The following TEX11 variants were observed in gnomAD, a reference collection of about 807,000 sequenced individuals.
TEX11 encodes testis-expressed protein 11.
TEX11 carries 7 observed loss-of-function variants against 84.4 expected under a neutral mutation model. That is an observed-to-expected ratio of 0.08 (90% CI 0.05 to 0.16). The LOEUF (loss-of-function observed/expected upper bound fraction) is 0.16, where lower values mean the gene tolerates loss of function less well. Among genes scored for constraint, TEX11 ranks in the 10% least tolerant of loss-of-function variants. TEX11 has a pLI of 1.00. For synonymous variants in TEX11, 264 were observed against 222.8 expected (o/e 1.18, Z -1.64); for missense variants, 551 against 660.5 (o/e 0.83, Z 1.82).
chrX:70,679,764 C>T (rs1409685438), intron 14 of TEX11, among the ~76,000 whole-genome samples: 2 of 106,235 alleles, frequency 1.9e-5, no homozygotes, highest in Non-Finnish European at 4.0e-5. Context: ...GCCAGCCGCC[C>T]GTCCGGGAGG....
At chrX:70,771,869 T>C (rs2090973834) in intron 9 of TEX11, among the ~76,000 whole-genome samples, 2 of 111,772 alleles carry the variant, frequency 1.8e-5, no homozygotes, top group Non-Finnish European at 3.8e-5. Flanking sequence ...GCTCCAGGCT[T>C]GCCTCATGAA....
In TEX11 at chrX:70,552,203, C is replaced by A. The variant is rs1253261339; in HGVS notation, c.2443G>T (p.Ala815Ser). Residue 815 changes from alanine to serine, a missense_variant, in exon 28 of 30, where the codon GCG becomes TCG. Coordinates refer to ENST00000374333, the MANE Select transcript of TEX11 (RefSeq NM_031276.3). ...NLVNLSVPDG[A>S]SNVELCPLEE... is the part of the protein sequence containing the mutation. The stretch of plus-strand genomic sequence containing the variant: ...AGGGGACAGAGCTCTACATTCGACG[C>A]CCCATCTGGCACTGAGAGGTTAACC... 5 of 1,209,149 alleles carry A rather than the reference C, an allele frequency of 4.1e-6. No homozygotes were observed. The highest frequency in any genetic ancestry group is 5.6e-6 in the Non-Finnish European group (5 of 894,889).
At chrX:70,544,382 C>CT (rs1776463590) in intron 28 of TEX11, among the ~76,000 whole-genome samples, 2 of 107,733 alleles carry the variant, frequency 1.9e-5, no homozygotes, top group South Asian at 8.3e-4. Context: ...AACAAATTAG[C>CT]TGGGTGTGGT....
chrX:70,598,712 C>T (rs1298023939), intron 24 of TEX11, among the ~76,000 whole-genome samples: 6 of 112,020 alleles, frequency 5.4e-5, no homozygotes, highest in East Asian at 2.8e-4. Flanking sequence ...CTGATACATG[C>T]TACAACACAA....
At position 70,546,026 on chromosome X, in the gene TEX11, T is replaced by C. The variant is rs1010613360; in HGVS notation, c.2520+6100A>G. ...TTCTTAATGTTTTATAGCTCTCTTA[T>C]AATAACAATACTGCCTTACATGTGT... On this transcript the variant is annotated intron_variant, in intron 28 of 29. Coordinates refer to ENST00000374333, the MANE Select transcript of TEX11 (RefSeq NM_031276.3). 2.7e-5 allele frequency among the ~76,000 whole-genome samples: 3 copies of C among 112,205 alleles called. No homozygotes were observed. In the Admixed American group the frequency reaches 2.8e-4, roughly 11 times the overall value.
intron 25 of TEX11, among the ~76,000 whole-genome samples, chrX:70,568,215 A>C (rs1603079033): frequency 9.0e-6 from 1 of 111,309 alleles, no homozygotes; most frequent in Non-Finnish European, 1.9e-5. Flanking sequence ...TGATCAGAGA[A>C]TAGGATCGCA....
At chrX:70,512,634 A>G in the TEX11 span, among the ~76,000 whole-genome samples, 1 of 108,598 alleles carries the variant, frequency 9.2e-6, no homozygotes, top group African/African-American at 3.4e-5. Context: ...AATAAATGGA[A>G]GCCTAACCCC....
intron 2 of TEX11, among the ~76,000 whole-genome samples, chrX:70,895,079 G>C (rs2091759798): frequency 9.0e-6 from 1 of 111,586 alleles, no homozygotes; most frequent in Non-Finnish European, 1.9e-5. Context: ...AATAGGAAGA[G>C]AGGAAGCCAA....
chrX:70,546,904 G>A (rs2088133751), intron 28 of TEX11, among the ~76,000 whole-genome samples: 1 of 108,641 alleles, frequency 9.2e-6, no homozygotes, highest in Non-Finnish European at 1.9e-5. Flanking sequence ...AAAAACACTT[G>A]CACATGAATA....
chrX:70,525,773 A>C (rs1443841609), downstream of TEX11, among the ~76,000 whole-genome samples: 1 of 112,243 alleles, frequency 8.9e-6, no homozygotes, highest in Non-Finnish European at 1.9e-5. Flanking sequence ...AGAGCATAGA[A>C]TAAGAGAACC....
At chrX:70,730,698 A>C (rs1045189594) in intron 11 of TEX11, among the ~76,000 whole-genome samples, 11 of 111,661 alleles carry the variant, frequency 9.9e-5, no homozygotes, top group Non-Finnish European at 1.9e-4. Flanking sequence ...CCACACAATA[A>C]TAATGGGAGA....
chrX:70,827,581 C>T (rs1228706991), intron 8 of TEX11, among the ~76,000 whole-genome samples: 1 of 111,240 alleles, frequency 9.0e-6, no homozygotes, highest in Non-Finnish European at 1.9e-5. Context: ...TTTATGTGAA[C>T]ATCAGTGGTG....
At chrX:70,517,416 G>T in the TEX11 span, among the ~76,000 whole-genome samples, 1 of 111,196 alleles carries the variant, frequency 9.0e-6, no homozygotes, top group African/African-American at 3.3e-5. Context: ...TTGTGTGATG[G>T]ATTACATTTA....
chrX:70,532,116 C>T (rs1440829451), intron 28 of TEX11, among the ~76,000 whole-genome samples: 3 of 111,507 alleles, frequency 2.7e-5, no homozygotes, highest in Non-Finnish European at 5.6e-5. Flanking sequence ...TTGGAAATGC[C>T]GCATTCTATA....
intron 11 of TEX11, among the ~76,000 whole-genome samples, chrX:70,727,093 G>T (rs1467340899): frequency 4.5e-5 from 5 of 111,308 alleles, no homozygotes; most frequent in Non-Finnish European, 9.4e-5. Context: ...TAAGTATTGT[G>T]AATCTTGTTT....
At chrX:70,829,391 A>G (rs1437647538) in intron 8 of TEX11, among the ~76,000 whole-genome samples, 1 of 107,983 alleles carries the variant, frequency 9.3e-6, no homozygotes, top group Non-Finnish European at 1.9e-5. Context: ...CTGAGGCAGG[A>G]GAATTACTTG....
chrX:70,658,420 A>AAAAC (rs1179572951), intron 16 of TEX11, among the ~76,000 whole-genome samples: 1 of 111,901 alleles, frequency 8.9e-6, no homozygotes, highest in African/African-American at 3.3e-5. Flanking sequence ...CAGTCTCAAA[A>AAAAC]AAACAAACAA....
chrX:70,657,455 TA>T (rs56221505), intron 16 of TEX11, among the ~76,000 whole-genome samples: 19,528 of 95,881 alleles, frequency 0.2, 1,567 homozygotes, highest in African/African-American at 0.22. Flanking sequence ...TGTAAAAAAT[TA>T]AAAAAAAAAA....
intron 11 of TEX11, among the ~76,000 whole-genome samples, chrX:70,736,103 A>G (rs1008992135): frequency 2.7e-5 from 3 of 111,594 alleles, no homozygotes; most frequent in Non-Finnish European, 5.7e-5. Context: ...TTTCCTTTGA[A>G]GCAAAAAAAT....
Sources: allele counts gnomAD v4.1 joint callset (sites outside exome capture counted in the v4.1 genomes callset), GRCh38; gene constraint gnomAD v4.1.1; transcripts MANE v1.5; gene names NCBI Gene and HGNC (gene_info 2026-07-23, HGNC 2026-07-21).